Variants in ACSL1 observed in about 807,000 individuals in gnomAD.
ACSL1 encodes long-chain-fatty-acid--CoA ligase 1.
ACSL1 carries 41 observed loss-of-function variants against 98.4 expected under a neutral mutation model. That is an observed-to-expected ratio of 0.42 (90% CI 0.32 to 0.54). ACSL1 has a LOEUF of 0.54. Among genes scored for constraint, ACSL1 ranks in the 20% least tolerant of loss-of-function variants. The probability of loss-of-function intolerance (pLI) is 0.13; values close to 1 mark genes in which losing one functional copy is unlikely to be tolerated. For synonymous variants in ACSL1, 316 were observed against 322.7 expected (o/e 0.98, Z 0.22); for missense variants, 734 against 883.1 (o/e 0.83, Z 2.14).
At chr4:184,790,573 C>T (rs1768177749) in intron 2 of ACSL1, among the ~76,000 whole-genome samples, 1 of 152,234 alleles carries the variant, frequency 6.6e-6, no homozygotes, top group African/African-American at 2.4e-5. Context: ...TTACTAACTA[C>T]AGCACACTAC....
In ACSL1 at chr4:184,783,111, C is replaced by A. The variant is rs192268104; in HGVS notation, c.375+816G>T. 2.7e-4 allele frequency among the ~76,000 whole-genome samples: 41 copies of A among 152,276 alleles called. No individual in the cohort carries two copies. The East Asian group carries it at 7.5e-3, about 28-fold the overall frequency. ...CAGCAGAGCTGGCCTGTCTGGAGCA[C>A]GTGCCTGTTCCGGGGTGCCGTGTGG... On this transcript the variant is annotated intron_variant, in intron 4 of 20. Transcript: ENST00000281455.
intron 1 of ACSL1, among the ~76,000 whole-genome samples, chr4:184,816,830 C>G (rs1579969584): frequency 6.6e-6 from 1 of 152,114 alleles, no homozygotes; most frequent in Non-Finnish European, 1.5e-5. Flanking sequence ...GACAGTAAAA[C>G]TGACTGGCAT....
intron 2 of ACSL1, among the ~76,000 whole-genome samples, chr4:184,802,204 A>G (rs1158496406): frequency 6.6e-6 from 1 of 152,256 alleles, no homozygotes; most frequent in Non-Finnish European, 1.5e-5. Context: ...CATGAATTAG[A>G]CTGAAGAATC....
At chr4:184,811,394 G>C (rs1408637024) in intron 1 of ACSL1, among the ~76,000 whole-genome samples, 1 of 152,036 alleles carries the variant, frequency 6.6e-6, no homozygotes, top group Admixed American at 6.6e-5. Flanking sequence ...TTACAGGTGT[G>C]AGCCACCGCG....
Position 184,757,530 on chromosome 4 carries a change from T to G in ACSL1, c.1956+105A>C. 1 of 1,097,058 alleles carries G rather than the reference T, an allele frequency of 9.1e-7. No homozygotes were observed. The highest frequency in any genetic ancestry group is 1.6e-5 in the African/African-American group (1 of 63,464). 68.0% of individuals were successfully genotyped at this position (1,097,058 alleles called of 1,614,324 possible). ...AAACTACTCCATTATTTATTCCTCA[T>G]GTATGTCTTTAGGTCACCCCATATG... On this transcript the variant is annotated intron_variant, in intron 20 of 20. Transcript: ENST00000281455. The surrounding 1 kb of genome is among the most constrained non-coding windows in gnomAD (Gnocchi z 4.5).
rs1471505712 is a variant in ACSL1 at position 184,803,718 on chromosome 4, A to G, written c.-32-172T>C. On this transcript the variant is annotated intron_variant, in intron 1 of 20. Transcript: ENST00000281455. This position sits in a 1 kb window ranked among gnomAD's most constrained non-coding sequence, Gnocchi z 4.8. Reference sequence around the variant, plus strand: ...CCTGGCTGTCAAGTGTCATTTTTCTAAAAACACTTTAGGATTTCATTTTCA... The same window carrying G: ...CCTGGCTGTCAAGTGTCATTTTTCTGAAAACACTTTAGGATTTCATTTTCA... 1.3e-5 allele frequency among the ~76,000 whole-genome samples: 2 copies of G among 152,154 alleles called. No individual in the cohort carries two copies.
intron 5 of ACSL1, among the ~76,000 whole-genome samples, chr4:184,779,183 C>T (rs918026057): frequency 6.6e-6 from 1 of 152,138 alleles, no homozygotes; most frequent in African/African-American, 2.4e-5. Flanking sequence ...TTGTATCTCC[C>T]AGAATTCCCA....
chr4:184,823,194 T>C (rs1773201194), intron 1 of ACSL1, among the ~76,000 whole-genome samples: 1 of 152,174 alleles, frequency 6.6e-6, no homozygotes, highest in African/African-American at 2.4e-5. Context: ...TTTATCTACC[T>C]CCTGTCAGAT....
intron 2 of ACSL1, among the ~76,000 whole-genome samples, chr4:184,789,490 A>C (rs1767974648): frequency 6.6e-6 from 1 of 152,234 alleles, no homozygotes; most frequent in Non-Finnish European, 1.5e-5. Flanking sequence ...TCTGTTAGAA[A>C]CTTCACTTTC....
intron 1 of ACSL1, among the ~76,000 whole-genome samples, chr4:184,817,242 G>A (rs1407289193): frequency 2.0e-5 from 3 of 152,058 alleles, no homozygotes; most frequent in African/African-American, 7.2e-5. Context: ...TCATGATACT[G>A]GTGCTAGAGA....
rs1771264666 is a variant in ACSL1, at chr4:184,805,393, ACT to A, written c.-32-1849_-32-1848del. ...ACAATGAATCCATGTAAGTGTACTC[ACT>A]CACACACACACACACAAACACACAC... is the stretch of plus-strand genomic sequence containing the variant. On this transcript the variant is annotated intron_variant, in intron 1 of 20. Coordinates refer to ENST00000281455, the MANE Select transcript of ACSL1 (RefSeq NM_001995.5). 9 of 755,986 alleles carry A rather than the reference ACT, an allele frequency of 1.2e-5. No homozygotes were observed. The South Asian group carries it at 1.8e-4, about 15-fold the overall frequency. The allele number at this position is 755,986 out of a possible 1,614,324, so 46.8% of individuals were successfully genotyped here.
intron 1 of ACSL1, among the ~76,000 whole-genome samples, chr4:184,821,979 T>C (rs576482377): frequency 6.6e-4 from 101 of 152,354 alleles, no homozygotes; most frequent in Non-Finnish European, 1.1e-3. Flanking sequence ...TTTTCTCCAG[T>C]AAGTATGTAT....
chr4:184,771,007 C>G lies in ACSL1; in HGVS notation c.916-531G>C, dbSNP rs541894581. Among the ~76,000 whole-genome samples, 22 of 152,250 alleles carry G rather than the reference C, an allele frequency of 1.4e-4. No individual in the cohort carries two copies. In the South Asian group the frequency reaches 4.4e-3, roughly 30 times the overall value. On this transcript the variant is annotated intron_variant, in intron 10 of 20. Transcript: ENST00000281455. ...GACATGGTGGCACATGCCTGTAATT[C>G]CAGCTACTCAGGAGGCTGAGGCAGC...
At chr4:184,792,324 CA>C in intron 2 of ACSL1, among the ~76,000 whole-genome samples, 1 of 152,202 alleles carries the variant, frequency 6.6e-6, no homozygotes, top group East Asian at 1.9e-4. Flanking sequence ...AGTTGTCAGA[CA>C]TAACTGTAAT....
chr4:184,762,446 G>A lies in ACSL1; in HGVS notation c.1599C>T (p.Asp533=), dbSNP rs137881165. Residue 533 remains aspartate, a synonymous_variant, in exon 17 of 21, where the codon GAC becomes GAT. Transcript: ENST00000281455. The stretch of plus-strand genomic sequence containing the variant: ...CAATGTCCCCTGTGTGTAACCAGCC[G>A]TCTTTGTCCAAAGCTTCTGCTGTTT... ...PAKTAEALDK[D]GWLHTGDIGK... is the part of the protein sequence containing the mutation. 3.7e-4 allele frequency: 590 copies of A among 1,614,214 alleles called. No individual in the cohort carries two copies. The highest frequency in any genetic ancestry group is 6.4e-4 in the African/African-American group (48 of 75,056).
At chr4:184,824,130 G>C (rs1406665423) in intron 1 of ACSL1, among the ~76,000 whole-genome samples, 1 of 152,000 alleles carries the variant, frequency 6.6e-6, no homozygotes, top group Admixed American at 6.6e-5. Flanking sequence ...GTAATTTTTT[G>C]TTTTGTTTTG....
At chr4:184,811,648 G>T (rs935718641) in intron 1 of ACSL1, among the ~76,000 whole-genome samples, 1 of 152,058 alleles carries the variant, frequency 6.6e-6, no homozygotes, top group South Asian at 2.1e-4. Context: ...TGGGGGCTGG[G>T]CAGGGGGAGG....
At position 184,803,319 on chromosome 4, in the gene ACSL1, C is replaced by T. The variant is rs1193849735; in HGVS notation, c.195+1G>A. On this transcript the variant is annotated splice_donor_variant, in intron 2 of 20. Coordinates refer to ENST00000281455, the MANE Select transcript of ACSL1 (RefSeq NM_001995.5). LOFTEE classifies it high-confidence loss of function. This position sits in a 1 kb window ranked among gnomAD's most constrained non-coding sequence, Gnocchi z 4.8. ...CGAGGCAGGCTGGGCCCTCCACTCACCGCCACTTCCACTGACTGCATGGAG... is the reference window on the plus strand; with the variant it reads ...CGAGGCAGGCTGGGCCCTCCACTCATCGCCACTTCCACTGACTGCATGGAG... The T allele has an allele frequency of 7.0e-6, 11 of 1,573,450 alleles. No individual in the cohort carries two copies.
At position 184,766,487 on chromosome 4, in the gene ACSL1, T is replaced by A. The variant is rs1262594951; in HGVS notation, c.1263+135A>T. The A allele has an allele frequency of 1.6e-6, 2 of 1,259,176 alleles. No individual in the cohort carries two copies. Among genetic ancestry groups the A allele is most frequent in the Non-Finnish European group, 2.2e-6 (2 of 912,446 alleles). The allele number at this position is 1,259,176 out of a possible 1,614,324, so 78.0% of individuals were successfully genotyped here. A position where few individuals can be genotyped will look rare whatever the true frequency, so the allele number is the denominator to read the frequency against. On this transcript the variant is annotated intron_variant, in intron 13 of 20. Coordinates refer to ENST00000281455, the MANE Select transcript of ACSL1 (RefSeq NM_001995.5). This position sits in a 1 kb window ranked among gnomAD's most constrained non-coding sequence, Gnocchi z 4.8. Reference sequence around the variant, plus strand: ...TAATGGCTTTGCCTTAGTTTTTAAATGTGTGCCAGAATTAACAAAAACATG... The same window carrying A: ...TAATGGCTTTGCCTTAGTTTTTAAAAGTGTGCCAGAATTAACAAAAACATG...
Sources: allele counts gnomAD v4.1 joint callset (sites outside exome capture counted in the v4.1 genomes callset), GRCh38; gene constraint gnomAD v4.1.1; non-coding constraint Gnocchi (gnomAD v3.1); transcripts MANE v1.5; gene names NCBI Gene and HGNC (gene_info 2026-07-23, HGNC 2026-07-21).